CHEK1: variants seen among roughly 807,000 people sequenced by gnomAD.
CHEK1 encodes the protein checkpoint kinase 1, also known as serine/threonine-protein kinase Chk1.
In CHEK1, 32 loss-of-function variants were observed where a neutral mutation model predicts 60.2. The observed-to-expected ratio is 0.53, with a 90% confidence interval of 0.40 to 0.71. CHEK1 has a LOEUF of 0.71. CHEK1 is among the 30% of genes least tolerant of loss of function. The probability of loss-of-function intolerance (pLI) is 0.00; values close to 1 mark genes in which losing one functional copy is unlikely to be tolerated. For missense variants in CHEK1, 399 were observed against 564.6 expected, an observed-to-expected ratio of 0.71 and a Z score of 2.97; for synonymous variants, 179 against 187.2, an observed-to-expected ratio of 0.96 and a Z score of 0.36.
chr11:125,657,190 TGTGTGTGTG>T (rs1941927440), downstream of CHEK1: 2 of 147,648 alleles, frequency 1.4e-5, no homozygotes, highest in African/African-American at 5.2e-5. Context: ...CCTATGCTTG[TGTGTGTGTG>T]TGTGTGTGTG....
intron 13 of CHEK1, chr11:125,671,585 C>CT (rs951107840): frequency 6.6e-6 from 1 of 152,154 alleles, no homozygotes; most frequent in Non-Finnish European, 1.5e-5. Flanking sequence ...TCTTGTTGTA[C>CT]TGTTCTAAGA....
chr11:125,665,599 A>G (rs959233978), intron 13 of CHEK1, among the ~76,000 whole-genome samples: 3 of 152,102 alleles, frequency 2.0e-5, no homozygotes, highest in Non-Finnish European at 2.9e-5. Context: ...ACAGTGAATC[A>G]TCAGGTCCTG....
rs767672948 is a variant in CHEK1, at chr11:125,644,162, C to CA, written c.995_996insA (p.Ser333LeufsTer4). On this transcript the variant is annotated frameshift_variant, in exon 10 of 13. Transcript: ENST00000438015. LOFTEE classifies it high-confidence loss of function. The stretch of plus-strand genomic sequence containing the variant: ...GGTCTTTCCTTATGGGATACCAGCC[C>CA]CTCATACATTGATAAATTGGTACAA... 1.2e-6 allele frequency: 2 copies of CA among 1,614,108 alleles called. No homozygotes were observed. The highest frequency in any genetic ancestry group is 2.2e-5 in the South Asian group (2 of 91,082).
downstream of CHEK1, among the ~76,000 whole-genome samples, chr11:125,676,829 T>A (rs1398320268): frequency 6.6e-6 from 1 of 152,184 alleles, no homozygotes; most frequent in East Asian, 1.9e-4. Context: ...CCTTTTGTAC[T>A]CCCCATCATA....
Position 125,653,968 on chromosome 11 carries a change from A to G in CHEK1, c.1335+121A>G, listed in dbSNP as rs1290875345. 3 of 554,550 alleles carry G rather than the reference A, an allele frequency of 5.4e-6. No individual in the cohort carries two copies. Among genetic ancestry groups the G allele is most frequent in the Admixed American group, 3.7e-5 (1 of 26,738 alleles). The allele number at this position is 554,550 out of a possible 1,614,324, so 34.4% of individuals were successfully genotyped here. On this transcript the variant is annotated intron_variant, in intron 12 of 12. Coordinates refer to ENST00000438015, the MANE Select transcript of CHEK1 (RefSeq NM_001114122.3). The surrounding 1 kb of genome is among the most constrained non-coding windows in gnomAD (Gnocchi z 4.3). Reference sequence around the variant, plus strand: ...AGGTTACTTGCTTTTTTCGTTTAATATTATGAGCATGTGTTTTCGTTATCT... The same window carrying G: ...AGGTTACTTGCTTTTTTCGTTTAATGTTATGAGCATGTGTTTTCGTTATCT...
At chr11:125,673,458 C>T (rs1440637503) in intron 13 of CHEK1, among the ~76,000 whole-genome samples, 2 of 140,266 alleles carry the variant, frequency 1.4e-5, no homozygotes, top group Admixed American at 1.4e-4. Flanking sequence ...ACCTCAGCCT[C>T]CCAAAGCGCT....
Position 125,640,189 on chromosome 11 carries a change from T to A in CHEK1, c.814+2645T>A, listed in dbSNP as rs1403416351. Among the ~76,000 whole-genome samples, 3 of 152,202 alleles carry A rather than the reference T, an allele frequency of 2.0e-5. No individual in the cohort carries two copies. The East Asian group carries it at 5.8e-4, about 29-fold the overall frequency. ...CCAAGTTCAATGTAATAGTCCACTG[T>A]GGTCAACCGAGGTCTGAAAAGATTA... On this transcript the variant is annotated intron_variant, in intron 8 of 12. Coordinates refer to ENST00000438015, the MANE Select transcript of CHEK1 (RefSeq NM_001114122.3).
intron 8 of CHEK1, among the ~76,000 whole-genome samples, chr11:125,639,454 C>T (rs1399151073): frequency 6.9e-6 from 1 of 144,484 alleles, no homozygotes; most frequent in African/African-American, 2.6e-5. Context: ...TCACTTCAAC[C>T]TCTGCCTCTC....
At chr11:125,648,894 T>G (rs1941606174) in intron 11 of CHEK1, among the ~76,000 whole-genome samples, 1 of 152,120 alleles carries the variant, frequency 6.6e-6, no homozygotes, top group African/African-American at 2.4e-5. Context: ...TTTATTAATA[T>G]AGCTTGACCT....
chr11:125,643,857 A>G lies in CHEK1; in HGVS notation c.880A>G (p.Ile294Val). ...SESPSGFSKH[I>V]QSNLDFSPVN... ...GTCTCCCAGTGGATTTTCTAAGCACATTCAATCCAATTTGGACTTCTCTCC... is the reference window on the plus strand; with the variant it reads ...GTCTCCCAGTGGATTTTCTAAGCACGTTCAATCCAATTTGGACTTCTCTCC... Residue 294 changes from isoleucine (I) to valine (V), a missense_variant, in exon 9 of 13, where the codon ATT becomes GTT. This residue lies in a region of CHEK1 where 370 missense variants were observed against 494.8 expected (regional missense o/e 0.75). Transcript: ENST00000438015. 6.2e-7 allele frequency: 1 copy of G among 1,614,218 alleles called. No homozygotes were observed. Among genetic ancestry groups the G allele is most frequent in the South Asian group, 1.1e-5 (1 of 91,084 alleles).
At chr11:125,640,539 CA>C (rs35982773) in intron 8 of CHEK1, among the ~76,000 whole-genome samples, 1,414 of 100,174 alleles carry the variant, frequency 0.014, 17 homozygotes, top group Middle Eastern at 0.019. Flanking sequence ...GACTCCGTCT[CA>C]AAAAAAAAAA....
chr11:125,679,220 T>G (rs1008967124), downstream of CHEK1, among the ~76,000 whole-genome samples: 1 of 142,424 alleles, frequency 7.0e-6, no homozygotes, highest in African/African-American at 2.6e-5. Flanking sequence ...CTCTTTCTTT[T>G]TTTTTTTTTG....
chr11:125,679,216 C>CTTTTTTT (rs71045115), downstream of CHEK1, among the ~76,000 whole-genome samples: 119 of 121,006 alleles, frequency 9.8e-4, 2 homozygotes, highest in South Asian at 2.2e-3. Context: ...CCGTCTCTTT[C>CTTTTTTT]TTTTTTTTTT....
chr11:125,650,597 C>T (rs1172026229), intron 11 of CHEK1, among the ~76,000 whole-genome samples: 3 of 151,868 alleles, frequency 2.0e-5, no homozygotes, highest in African/African-American at 4.8e-5. Context: ...TCTGGGACTA[C>T]AGGCACCTGC....
At chr11:125,646,993 T>A (rs1941529890) in intron 11 of CHEK1, among the ~76,000 whole-genome samples, 1 of 152,166 alleles carries the variant, frequency 6.6e-6, no homozygotes, top group Non-Finnish European at 1.5e-5. Context: ...CTATAATTTC[T>A]CTTTTGTTGC....
chr11:125,670,203 G>T (rs1185527251), intron 13 of CHEK1, among the ~76,000 whole-genome samples: 1 of 152,114 alleles, frequency 6.6e-6, no homozygotes, highest in Non-Finnish European at 1.5e-5. Flanking sequence ...TATAGTTTCA[G>T]TATCTGTGTA....
At chr11:125,660,082 T>G (rs1941984661), downstream of CHEK1, among the ~76,000 whole-genome samples, 1 of 152,220 alleles carries the variant, frequency 6.6e-6, no homozygotes, top group Non-Finnish European at 1.5e-5. Flanking sequence ...TACATTCTGT[T>G]CATTATGTGG....
chr11:125,679,644 G>C (rs1216190304), downstream of CHEK1, among the ~76,000 whole-genome samples: 2 of 152,176 alleles, frequency 1.3e-5, no homozygotes, highest in African/African-American at 4.8e-5. Context: ...AAGACAAGTA[G>C]ACTACAACAA....
At position 125,625,908 on chromosome 11, in the gene CHEK1, C is replaced by A; in HGVS notation, c.-125C>A. 1 of 702,666 alleles carries A rather than the reference C, an allele frequency of 1.4e-6. No homozygotes were observed. Among genetic ancestry groups the A allele is most frequent in the Non-Finnish European group, 2.6e-6 (1 of 385,022 alleles). The allele number at this position is 702,666 out of a possible 1,614,324, so 43.5% of individuals were successfully genotyped here. ...GGACACGGGAACGCGCGCTGTCTTG[C>A]TTTACGGCGCGGGTGCGCGAGTTTG... is the stretch of plus-strand genomic sequence containing the variant. On this transcript the variant is annotated 5_prime_UTR_variant, in exon 1 of 13. Coordinates refer to ENST00000438015, the MANE Select transcript of CHEK1 (RefSeq NM_001114122.3).
Sources: gnomAD v4.1 joint callset for allele counts (sites outside exome capture counted in the v4.1 genomes callset) on GRCh38, gnomAD v4.1.1 for gene constraint, gnomAD v4.1.1 regional missense constraint, Gnocchi (gnomAD v3.1) non-coding constraint, MANE v1.5 for transcripts, NCBI Gene and HGNC (gene_info 2026-07-23, HGNC 2026-07-21) for gene names.